The following PARVB variants were observed in gnomAD, a reference collection of about 807,000 sequenced individuals.
PARVB encodes the protein parvin beta.
Under a neutral mutation model 47.0 loss-of-function variants are expected in PARVB, and 46 were observed. The observed-to-expected ratio is 0.98, with a 90% CI of 0.77 to 1.25. The LOEUF (loss-of-function observed/expected upper bound fraction) is 1.25, where lower values mean the gene tolerates loss of function less well. Ranked by LOEUF, PARVB falls within the 50% of genes most tolerant of loss-of-function variation. The pLI is 0.00. For missense variants in PARVB, 473 were observed against 471.6 expected (o/e 1.00, Z -0.03); for synonymous variants, 196 against 196.3 (o/e 1.00, Z 0.01).
intron 4 of PARVB, among the ~76,000 whole-genome samples, chr22:44,126,320 A>G (rs183993280): frequency 6.6e-6 from 1 of 152,346 alleles, no homozygotes; most frequent in Admixed American, 6.5e-5. Flanking sequence ...ATGTTCATCA[A>G]GATTGTGTCA....
intron 2 of PARVB, among the ~76,000 whole-genome samples, chr22:44,002,168 A>G (rs1269589786): frequency 1.3e-5 from 2 of 152,248 alleles, no homozygotes; most frequent in Admixed American, 1.3e-4. Context: ...ATGTCTTTGC[A>G]TTATTATAAA....
At chr22:44,110,894 C>T (rs2147096762) in intron 3 of PARVB, 2 of 152,318 alleles carry the variant, frequency 1.3e-5, no homozygotes, top group South Asian at 4.1e-4. Flanking sequence ...GCCATTGCGC[C>T]CGGCCTATAT....
In PARVB at chr22:44,135,220, C is replaced by T. The variant is rs537265643; in HGVS notation, c.634-1240C>T. 2.0e-4 allele frequency among the ~76,000 whole-genome samples: 31 copies of T among 152,240 alleles called. No individual in the cohort carries two copies. In the South Asian group the frequency reaches 2.5e-3, roughly 12 times the overall value. On this transcript the variant is annotated intron_variant, in intron 6 of 12. Coordinates refer to ENST00000338758, the MANE Select transcript of PARVB (RefSeq NM_013327.5). ...AGCTCCTGTGACAGGCGGGCTGCCA[C>T]CCCTACCATCACCACTGCCATGCCC...
intron 1 of PARVB, among the ~76,000 whole-genome samples, chr22:44,067,580 G>C (rs2051563670): frequency 6.6e-6 from 1 of 152,220 alleles, no homozygotes; most frequent in Non-Finnish European, 1.5e-5. Context: ...CACTGGGCTG[G>C]CGAGGGCCTT....
chr22:44,136,530 C>T lies in PARVB; in HGVS notation c.692+12C>T. Reference sequence around the variant, plus strand: ...ACCACAACTACAGAGTAAGTGGACCCCTGTCTTGCCCTTCCAGGCCCTGCT... The same window carrying T: ...ACCACAACTACAGAGTAAGTGGACCTCTGTCTTGCCCTTCCAGGCCCTGCT... On this transcript the variant is annotated intron_variant, in intron 7 of 12. Transcript: ENST00000338758. 1 of 1,611,738 alleles carries T rather than the reference C, an allele frequency of 6.2e-7. No individual in the cohort carries two copies. The highest frequency in any genetic ancestry group is 8.5e-7 in the Non-Finnish European group (1 of 1,177,866).
intron 10 of PARVB, among the ~76,000 whole-genome samples, chr22:44,157,776 G>T (rs577978133): frequency 3.9e-5 from 6 of 152,146 alleles, no homozygotes; most frequent in South Asian, 2.1e-4. Context: ...CTACTTGGGA[G>T]GCTGAGGTGG....
In PARVB at chr22:44,163,918, G is replaced by A. The variant is rs755736911; in HGVS notation, c.1006G>A (p.Ala336Thr). The A allele has an allele frequency of 6.2e-7, 1 of 1,609,990 alleles. No homozygotes were observed. Among genetic ancestry groups the A allele is most frequent in the Non-Finnish European group, 8.5e-7 (1 of 1,178,138 alleles). ...MLDGGLKKPK[A>T]RPEDVVNLDL... ...GGACGGAGGCCTCAAGAAACCCAAG[G>A]CTCGTCCTGAAGGTAATGCCCCTGG... Residue 336 changes from alanine to threonine, a missense_variant, in exon 12 of 13, where the codon GCT becomes ACT. Coordinates refer to ENST00000338758, the MANE Select transcript of PARVB (RefSeq NM_013327.5).
chr22:44,058,286 G>C (rs2284153), intron 1 of PARVB, among the ~76,000 whole-genome samples: 1 of 151,734 alleles, frequency 6.6e-6, no homozygotes, highest in Non-Finnish European at 1.5e-5. Flanking sequence ...TTCTGGGGAC[G>C]GTGGGCAGTC....
Position 44,147,962 on chromosome 22 carries a change from C to A in PARVB, c.774+40C>A, listed in dbSNP as rs369830568. The stretch of plus-strand genomic sequence containing the variant: ...GGATGTTGGATGTGCTCTCCCCTGG[C>A]TCGCGGCTTTTTGACAGCACAAACG... On this transcript the variant is annotated intron_variant, in intron 9 of 12. Coordinates refer to ENST00000338758, the MANE Select transcript of PARVB (RefSeq NM_013327.5). The A allele has an allele frequency of 8.3e-6, 13 of 1,562,996 alleles. No homozygotes were observed. The African/African-American group carries it at 1.5e-4, about 18-fold the overall frequency.
At chr22:44,151,701 C>T in intron 10 of PARVB, 150 bp downstream of exon 10, 1 of 625,012 alleles carries the variant, frequency 1.6e-6, no homozygotes, top group Non-Finnish European at 2.9e-6. Flanking sequence ...ACCACCGTGG[C>T]CTTCTCAGCC....
intron 1 of PARVB, among the ~76,000 whole-genome samples, chr22:44,043,495 G>A (rs2051057712): frequency 6.6e-6 from 1 of 151,870 alleles, no homozygotes; most frequent in Admixed American, 6.6e-5. Flanking sequence ...TCTCCTCCTT[G>A]GCCACCCGAG....
rs1333923238 is a variant in PARVB at position 44,140,350 on chromosome 22, G to A, written c.712+207G>A. 8.4e-6 allele frequency: 6 copies of A among 710,516 alleles called. No individual in the cohort carries two copies. The Admixed American group carries it at 1.2e-4, about 14-fold the overall frequency. The allele number at this position is 710,516 out of a possible 1,614,324, so 44.0% of individuals were successfully genotyped here. A position where few individuals can be genotyped will look rare whatever the true frequency, so the allele number is the denominator to read the frequency against. ...GTTTCTCAGAGCTGAGAGTGGCTGG[G>A]TTGTGCTAGGAGGAGTGGGGTGGAA... On this transcript the variant is annotated intron_variant, in intron 8 of 12. Coordinates refer to ENST00000338758, the MANE Select transcript of PARVB (RefSeq NM_013327.5).
chr22:44,122,968 C>T (rs1327591662), intron 4 of PARVB, among the ~76,000 whole-genome samples: 2 of 152,154 alleles, frequency 1.3e-5, no homozygotes, highest in Non-Finnish European at 2.9e-5. Flanking sequence ...TATCCTCGTG[C>T]AGATGTTACA....
In PARVB at chr22:44,096,401, AAAT is replaced by A. The variant is rs143813242; in HGVS notation, c.202+2394_202+2396del. Among the ~76,000 whole-genome samples the A allele has an allele frequency of 3.4e-3, 517 of 152,298 alleles. 3 individuals carry two copies. Among genetic ancestry groups the A allele is most frequent in the African/African-American group, 0.011 (475 of 41,552 alleles). The stretch of plus-strand genomic sequence containing the variant: ...TAACAGAGTGAGACCTTGTCTCAAA[AAAT>A]AATAATAATTGAACTCACTCACTGA... On this transcript the variant is annotated intron_variant, in intron 2 of 12. Coordinates refer to ENST00000338758, the MANE Select transcript of PARVB (RefSeq NM_013327.5).
At chr22:44,051,724 A>G (rs2051212490) in intron 1 of PARVB, among the ~76,000 whole-genome samples, 1 of 152,166 alleles carries the variant, frequency 6.6e-6, no homozygotes, top group South Asian at 2.1e-4. Flanking sequence ...GTTCCCCTAA[A>G]AGGTATGTCC....
chr22:44,097,347 C>T (rs958633249), intron 2 of PARVB, among the ~76,000 whole-genome samples: 15 of 152,212 alleles, frequency 9.9e-5, no homozygotes, highest in Non-Finnish European at 1.8e-4. Flanking sequence ...GCAGTGACTC[C>T]GGGGCCCACT....
chr22:44,073,079 T>A (rs2051689959), intron 1 of PARVB, among the ~76,000 whole-genome samples: 1 of 152,206 alleles, frequency 6.6e-6, no homozygotes, highest in Non-Finnish European at 1.5e-5. Flanking sequence ...CCATAGTGGA[T>A]GTCACTAAGC....
At chr22:44,161,339 A>T (rs1479561472) in intron 11 of PARVB, among the ~76,000 whole-genome samples, 2 of 135,336 alleles carry the variant, frequency 1.5e-5, no homozygotes, top group Non-Finnish European at 3.1e-5. Flanking sequence ...GCGGGGAAGG[A>T]ATCTCACTCT....
chr22:44,028,824 A>G (rs950815773), intron 1 of PARVB, among the ~76,000 whole-genome samples: 2 of 152,100 alleles, frequency 1.3e-5, no homozygotes, highest in Admixed American at 6.5e-5. Flanking sequence ...GGATTTTGGA[A>G]TTCTGTTAGG....
Sources: allele counts gnomAD v4.1 joint callset (sites outside exome capture counted in the v4.1 genomes callset), GRCh38; gene constraint gnomAD v4.1.1; transcripts MANE v1.5; gene names NCBI Gene and HGNC (gene_info 2026-07-23, HGNC 2026-07-21).